The following PCDHGA9 variants were observed in gnomAD, a reference collection of about 807,000 sequenced individuals.
The protein encoded by PCDHGA9 is protocadherin gamma-A9.
A neutral mutation model predicts 62.5 loss-of-function variants in PCDHGA9; 37 were observed. The ratio of observed to expected loss-of-function variants is 0.59; its 90% confidence interval spans 0.46 to 0.78. The LOEUF (loss-of-function observed/expected upper bound fraction) is 0.78, where lower values mean the gene tolerates loss of function less well. PCDHGA9 is among the 30% of genes least tolerant of loss of function. PCDHGA9 has a pLI of 0.00. For synonymous variants in PCDHGA9, 459 were observed against 484.6 expected, an observed-to-expected ratio of 0.95 and a Z score of 0.69; for missense variants, 1,138 against 1,166.2, an observed-to-expected ratio of 0.98 and a Z score of 0.35.
chr5:141,454,625 C>G (rs1193628253), intron 1 of PCDHGA9, among the ~76,000 whole-genome samples: 1 of 151,512 alleles, frequency 6.6e-6, no homozygotes, highest in Admixed American at 6.6e-5. Context: ...AGGCTGGTCT[C>G]GAACCCCCAA....
intron 1 of PCDHGA9, among the ~76,000 whole-genome samples, chr5:141,480,911 G>A (rs2154578422): frequency 6.6e-6 from 1 of 152,218 alleles, no homozygotes; most frequent in East Asian, 1.9e-4. Flanking sequence ...TGGGCATGGT[G>A]GCGCATACCT....
chr5:141,414,106 CTAGA>C, intron 1 of PCDHGA9: 1 of 1,592,656 alleles, frequency 6.3e-7, no homozygotes, highest in Non-Finnish European at 8.6e-7. Flanking sequence ...ATCAGAAAAT[CTAGA>C]TTATGAAGAA....
chr5:141,507,495 G>T (rs375483743), intron 3 of PCDHGA9, among the ~76,000 whole-genome samples: 2 of 152,234 alleles, frequency 1.3e-5, no homozygotes, highest in Non-Finnish European at 2.9e-5. Context: ...AGGCAGAGCT[G>T]TCCCAGGTCT....
chr5:141,477,644 T>A lies in PCDHGA9; in HGVS notation c.2425-17163T>A. On this transcript the variant is annotated intron_variant, in intron 1 of 3. Coordinates refer to ENST00000573521, the MANE Select transcript of PCDHGA9 (RefSeq NM_018921.3). The surrounding 1 kb of genome is among the most constrained non-coding windows in gnomAD (Gnocchi z 4.9). ...TGAAACCGGGCTAGTGGGTCGCTAT[T>A]TCACAATAAATCGTGACAATGGCAT... The A allele has an allele frequency of 6.2e-7, 1 of 1,614,200 alleles. No homozygotes were observed. Among genetic ancestry groups the A allele is most frequent in the Non-Finnish European group, 8.5e-7 (1 of 1,180,036 alleles).
At chr5:141,438,633 TATACACACAC>T (rs1369232099) in intron 1 of PCDHGA9, among the ~76,000 whole-genome samples, 454 of 33,892 alleles carry the variant, frequency 0.013, 1 homozygote, top group Non-Finnish European at 0.019. Flanking sequence ...TATATATATA[TATACACACAC>T]ACACACACAT....
intron 2 of PCDHGA9, among the ~76,000 whole-genome samples, chr5:141,500,501 G>A (rs571735791): frequency 1.3e-5 from 2 of 152,058 alleles, no homozygotes; most frequent in Non-Finnish European, 2.9e-5. Context: ...GAGCCACCGC[G>A]CCTGGCCGAG....
chr5:141,503,377 A>G lies in PCDHGA9; in HGVS notation c.2484-2016A>G, dbSNP rs534841057. Among the ~76,000 whole-genome samples, 4 of 152,142 alleles carry G rather than the reference A, an allele frequency of 2.6e-5. No homozygotes were observed. In the East Asian group the frequency reaches 7.8e-4, roughly 30 times the overall value. The stretch of plus-strand genomic sequence containing the variant: ...TTTGGGAAGCGGAGGCAGGTGGATC[A>G]TGAGGTCAGGAGTTCGAAACCAACC... On this transcript the variant is annotated intron_variant, in intron 2 of 3. Coordinates refer to ENST00000573521, the MANE Select transcript of PCDHGA9 (RefSeq NM_018921.3).
intron 1 of PCDHGA9, chr5:141,421,935 A>G: frequency 6.2e-7 from 1 of 1,613,514 alleles, no homozygotes; most frequent in East Asian, 2.2e-5. Context: ...TCCTCGATGT[A>G]AATGATCACA....
intron 1 of PCDHGA9, chr5:141,423,760 G>GGT: frequency 7.2e-6 from 2 of 279,662 alleles, no homozygotes; most frequent in Non-Finnish European, 1.1e-5. Context: ...TGGGGGGGGG[G>GGT]TGGGGCGGCA....
chr5:141,451,813 G>A (rs921877961), intron 1 of PCDHGA9, among the ~76,000 whole-genome samples: 13 of 150,788 alleles, frequency 8.6e-5, no homozygotes, highest in East Asian at 2.0e-4. Context: ...CCCAGGAGGC[G>A]GAGGTTACAG....
rs1561745511 is a variant in PCDHGA9 at position 141,413,844 on chromosome 5, C to T, written c.2424+8468C>T. The stretch of plus-strand genomic sequence containing the variant: ...TCCTCACCGCCTCCGACGGGGGTGA[C>T]CCTCTCCGATCTGGCACTGTCCTTG... On this transcript the variant is annotated intron_variant, in intron 1 of 3. Transcript: ENST00000573521. The T allele has an allele frequency of 5.6e-6, 9 of 1,613,254 alleles. No homozygotes were observed. The East Asian group carries it at 6.7e-5, about 12-fold the overall frequency.
chr5:141,432,096 A>G lies in PCDHGA9; in HGVS notation c.2424+26720A>G, dbSNP rs763154183. On this transcript the variant is annotated intron_variant, in intron 1 of 3. Transcript: ENST00000573521. This position sits in a 1 kb window ranked among gnomAD's most constrained non-coding sequence, Gnocchi z 6.0. Reference sequence around the variant, plus strand: ...ATCTCGCTGAACGTGGCAGACACCAACGACAACCCGCCGGTCTTCCCTCAG... The same window carrying G: ...ATCTCGCTGAACGTGGCAGACACCAGCGACAACCCGCCGGTCTTCCCTCAG... The G allele has an allele frequency of 1.9e-6, 3 of 1,613,944 alleles. No homozygotes were observed. Among genetic ancestry groups the G allele is most frequent in the East Asian group, 2.2e-5 (1 of 44,870 alleles).
chr5:141,492,948 CA>C (rs2099745260), intron 1 of PCDHGA9, among the ~76,000 whole-genome samples: 1 of 152,188 alleles, frequency 6.6e-6, no homozygotes, highest in Non-Finnish European at 1.5e-5. Flanking sequence ...TGGAGGTGAC[CA>C]AACTATCTGA....
intron 1 of PCDHGA9, among the ~76,000 whole-genome samples, chr5:141,443,479 C>G (rs1285767691): frequency 6.6e-6 from 1 of 152,144 alleles, no homozygotes; most frequent in African/African-American, 2.4e-5. Context: ...GAATTAGACC[C>G]TGTCCCAAAA....
intron 1 of PCDHGA9, chr5:141,412,213 C>T (rs1467971455): frequency 6.6e-6 from 1 of 152,224 alleles, no homozygotes; most frequent in Non-Finnish European, 1.5e-5. Context: ...TTGACATAAA[C>T]ACTTACTTGT....
intron 1 of PCDHGA9, among the ~76,000 whole-genome samples, chr5:141,458,201 T>C (rs973995736): frequency 6.6e-6 from 1 of 152,168 alleles, no homozygotes; most frequent in African/African-American, 2.4e-5. Context: ...AGGCCATAAA[T>C]AGTTTAAAAT....
At chr5:141,405,403 T>A (rs1430892971) in intron 1 of PCDHGA9, 27 bp downstream of exon 1, 2 of 1,586,108 alleles carry the variant, frequency 1.3e-6, no homozygotes, top group Non-Finnish European at 1.7e-6. Flanking sequence ...TCTTTCTTTC[T>A]TTTCTTTTTT....
chr5:141,460,091 A>G (rs2098981847), intron 1 of PCDHGA9, among the ~76,000 whole-genome samples: 1 of 152,002 alleles, frequency 6.6e-6, no homozygotes, highest in Non-Finnish European at 1.5e-5. Flanking sequence ...AATAATAATT[A>G]TACATGTAAT....
At chr5:141,423,327 A>G in intron 1 of PCDHGA9, 1 of 1,614,100 alleles carries the variant, frequency 6.2e-7, no homozygotes, top group Non-Finnish European at 8.5e-7. Flanking sequence ...CGGTGGCCGC[A>G]GTCTCCTGCA....
Sources: gnomAD v4.1 joint callset for allele counts (sites outside exome capture counted in the v4.1 genomes callset) on GRCh38, gnomAD v4.1.1 for gene constraint, Gnocchi (gnomAD v3.1) non-coding constraint, MANE v1.5 for transcripts, NCBI Gene and HGNC (gene_info 2026-07-23, HGNC 2026-07-21) for gene names.